LRRC49: variants seen among roughly 807,000 people sequenced by gnomAD.
LRRC49 encodes the protein leucine-rich repeat-containing protein 49.
In LRRC49, 50 loss-of-function variants were observed where a neutral mutation model predicts 83.3. The ratio of observed to expected loss-of-function variants is 0.60; its 90% confidence interval spans 0.48 to 0.76. The LOEUF is 0.76. LRRC49 is among the 30% of genes least tolerant of loss of function. LRRC49 has a pLI of 0.00. For synonymous variants in LRRC49, 286 were observed against 283.3 expected, an observed-to-expected ratio of 1.01 and a Z score of -0.10; for missense variants, 704 against 809.1, an observed-to-expected ratio of 0.87 and a Z score of 1.58.
At chr15:70,968,884 C>T (rs2036890198) in intron 9 of LRRC49, among the ~76,000 whole-genome samples, 1 of 152,044 alleles carries the variant, frequency 6.6e-6, no homozygotes, top group Admixed American at 6.6e-5. Context: ...GGATATTAGT[C>T]CTTTGTCGGA....
At chr15:70,884,094 G>C (rs1376265615) in intron 2 of LRRC49, among the ~76,000 whole-genome samples, 1 of 152,174 alleles carries the variant, frequency 6.6e-6, no homozygotes, top group Non-Finnish European at 1.5e-5. Flanking sequence ...GAAAAGTTAA[G>C]AGAGCCTGGG....
intron 9 of LRRC49, among the ~76,000 whole-genome samples, chr15:70,972,988 C>G (rs943090872): frequency 1.3e-5 from 2 of 152,074 alleles, no homozygotes; most frequent in Non-Finnish European, 2.9e-5. Flanking sequence ...CTACTTCTGT[C>G]AATTCGTCAA....
rs1165664395 is a variant in LRRC49 at position 70,970,224 on chromosome 15, T to C, written c.921+6292T>C. 2.6e-5 allele frequency among the ~76,000 whole-genome samples: 4 copies of C among 152,356 alleles called. No individual in the cohort carries two copies. In the East Asian group the frequency reaches 7.7e-4, roughly 29 times the overall value. On this transcript the variant is annotated intron_variant, in intron 9 of 15. Transcript: ENST00000260382. ...TTTTATCGAAGGCCTTTTCTGCATC[T>C]ATTGAGATAATCATATGGTTTTTGT...
intron 6 of LRRC49, chr15:70,918,410 A>T (rs569504284): frequency 6.6e-6 from 1 of 152,390 alleles, no homozygotes; most frequent in South Asian, 2.1e-4. Flanking sequence ...TTATATGTAC[A>T]TGCATATTCC....
At chr15:70,947,453 A>G (rs2036049676) in intron 8 of LRRC49, among the ~76,000 whole-genome samples, 1 of 152,222 alleles carries the variant, frequency 6.6e-6, no homozygotes, top group South Asian at 2.1e-4. Context: ...TAACCTAATG[A>G]CAGAGAACAT....
chr15:71,015,837 A>G (rs374700222), intron 14 of LRRC49, among the ~76,000 whole-genome samples: 6 of 152,222 alleles, frequency 3.9e-5, no homozygotes, highest in African/African-American at 1.2e-4. Context: ...ACAAATATCT[A>G]TGTGCAAGGA....
chr15:70,937,977 A>T (rs2035660989), intron 8 of LRRC49, among the ~76,000 whole-genome samples: 1 of 152,062 alleles, frequency 6.6e-6, no homozygotes, highest in Non-Finnish European at 1.5e-5. Flanking sequence ...ATTTCCTCCT[A>T]AAAATCATTA....
chr15:70,918,466 C>G (rs2034877316), intron 6 of LRRC49: 1 of 152,140 alleles, frequency 6.6e-6, no homozygotes, highest in South Asian at 2.1e-4. Flanking sequence ...CATTTTGTAC[C>G]CTCACTAAAC....
At chr15:70,886,498 A>C (rs1459991705) in intron 2 of LRRC49, among the ~76,000 whole-genome samples, 5 of 152,210 alleles carry the variant, frequency 3.3e-5, no homozygotes, top group Non-Finnish European at 7.4e-5. Flanking sequence ...GGGAATAATG[A>C]ATAAGTGAAA....
At chr15:70,899,442 G>C (rs1271335066) in intron 3 of LRRC49, among the ~76,000 whole-genome samples, 2 of 151,884 alleles carry the variant, frequency 1.3e-5, no homozygotes, top group African/African-American at 4.8e-5. Context: ...TTACTGACTT[G>C]TGGTTGCTTT....
chr15:70,893,891 CT>C (rs1373987558), intron 2 of LRRC49, among the ~76,000 whole-genome samples: 2 of 145,864 alleles, frequency 1.4e-5, no homozygotes, highest in African/African-American at 2.5e-5. Context: ...GACATTTACA[CT>C]TTTTTTTTTC....
At chr15:70,943,833 G>A (rs1273883142) in intron 8 of LRRC49, among the ~76,000 whole-genome samples, 2 of 152,100 alleles carry the variant, frequency 1.3e-5, no homozygotes, top group Non-Finnish European at 2.9e-5. Flanking sequence ...CCTTTCCCTG[G>A]TGCCTGCTGC....
intron 2 of LRRC49, chr15:70,882,940 A>C (rs756870764): frequency 2.0e-5 from 32 of 1,611,622 alleles, no homozygotes; most frequent in Non-Finnish European, 2.5e-5. Context: ...GAAACATATT[A>C]AAGTGTACCT....
At chr15:70,875,318 A>G (rs951423333) in intron 2 of LRRC49, among the ~76,000 whole-genome samples, 3 of 152,238 alleles carry the variant, frequency 2.0e-5, no homozygotes, top group African/African-American at 7.2e-5. Context: ...GAGACTGGAC[A>G]TAACTAAAGG....
chr15:70,896,981 T>C (rs1346535718), intron 3 of LRRC49, among the ~76,000 whole-genome samples: 1 of 152,218 alleles, frequency 6.6e-6, no homozygotes, highest in Non-Finnish European at 1.5e-5. Context: ...TCAATACTTA[T>C]TTATAAAGCA....
At chr15:71,010,018 A>C (rs1214908776) in intron 13 of LRRC49, 26 bp downstream of exon 13, 8 of 1,391,514 alleles carry the variant, frequency 5.7e-6, no homozygotes, top group African/African-American at 1.5e-5. Flanking sequence ...GATGAACTAT[A>C]GAATAAAAAT....
rs186641417 is a variant in LRRC49 at position 70,871,762 on chromosome 15, C to T, written c.-298-1146C>T. ...ACACTCCTCAGATCCCAGACGGGGC[C>T]GCGGCCGGGCAGAGGCTCTCCTCAC... On this transcript the variant is annotated intron_variant, in intron 1 of 16. Coordinates refer to the LRRC49 transcript ENST00000544974. 3.8e-3 allele frequency among the ~76,000 whole-genome samples: 450 copies of T among 118,104 alleles called. 6 individuals are homozygous for T. The highest frequency in any genetic ancestry group is 0.014 in the African/African-American group (439 of 30,356). The allele number at this position is 118,104 out of a possible 152,430, so 77.5% of individuals were successfully genotyped here.
chr15:70,984,362 A>G, intron 11 of LRRC49, 105 bp downstream of exon 11: 1 of 1,003,342 alleles, frequency 1.0e-6, no homozygotes, highest in Non-Finnish European at 1.4e-6. Flanking sequence ...GGTTTTCTTA[A>G]GAAAACTTGC....
intron 2 of LRRC49, among the ~76,000 whole-genome samples, chr15:70,886,791 G>A (rs547688974): frequency 7.4e-4 from 112 of 152,134 alleles, no homozygotes; most frequent in South Asian, 6.6e-3. Flanking sequence ...GCTTGAACCC[G>A]GGTGGCAGAG....
Sources: allele counts gnomAD v4.1 joint callset (sites outside exome capture counted in the v4.1 genomes callset), GRCh38; gene constraint gnomAD v4.1.1; transcripts MANE v1.5; gene names NCBI Gene and HGNC (gene_info 2026-07-23, HGNC 2026-07-21).